Variants in PARN observed in about 807,000 individuals in gnomAD.
The protein encoded by PARN is poly(A)-specific ribonuclease.
Under a neutral mutation model 102.8 loss-of-function variants are expected in PARN, and 71 were observed. That is an observed-to-expected ratio of 0.69 (90% CI 0.57 to 0.84). PARN has a LOEUF of 0.84. Among genes scored for constraint, PARN ranks in the 40% least tolerant of loss-of-function variants. The pLI is 0.00. For synonymous variants in PARN, 261 were observed against 252.9 expected, an observed-to-expected ratio of 1.03 and a Z score of -0.30; for missense variants, 782 against 760.9, an observed-to-expected ratio of 1.03 and a Z score of -0.33.
intron 6 of PARN, among the ~76,000 whole-genome samples, chr16:14,611,086 T>C (rs1971494534): frequency 6.6e-6 from 1 of 152,214 alleles, no homozygotes; most frequent in Non-Finnish European, 1.5e-5. Context: ...CATCCTGCTC[T>C]GTAGTGAAGG....
intron 21 of PARN, among the ~76,000 whole-genome samples, chr16:14,486,761 T>A (rs1963723396): frequency 6.6e-6 from 1 of 152,224 alleles, no homozygotes; most frequent in Non-Finnish European, 1.5e-5. Flanking sequence ...AATGGATGAA[T>A]CAGCAAAATG....
chr16:14,509,438 A>AT (rs1174844525), intron 21 of PARN, among the ~76,000 whole-genome samples: 11 of 152,260 alleles, frequency 7.2e-5, no homozygotes, highest in Middle Eastern at 3.4e-3. Flanking sequence ...TTATTTAGTG[A>AT]TTTTTTCTTT....
chr16:14,438,972 G>C (rs1378307580), intron 23 of PARN, among the ~76,000 whole-genome samples: 1 of 152,114 alleles, frequency 6.6e-6, no homozygotes. Flanking sequence ...CAGATAAGAA[G>C]GTATGGTTTT....
chr16:14,545,816 T>A (rs1447920310), intron 21 of PARN, among the ~76,000 whole-genome samples: 4 of 152,228 alleles, frequency 2.6e-5, no homozygotes, highest in African/African-American at 9.6e-5. Context: ...TATTAATATG[T>A]TGACCTACCA....
intron 13 of PARN, among the ~76,000 whole-genome samples, chr16:14,590,498 G>A (rs1014381580): frequency 1.3e-5 from 2 of 151,648 alleles, no homozygotes; most frequent in African/African-American, 4.8e-5. Context: ...ACCCGGGCAT[G>A]GTAGCAGGCA....
chr16:14,572,268 G>A (rs1219561471), intron 18 of PARN, among the ~76,000 whole-genome samples: 2 of 152,146 alleles, frequency 1.3e-5, no homozygotes, highest in Admixed American at 6.5e-5. Context: ...GGGCACGAAC[G>A]GCAGTTGTGC....
Position 14,604,232 on chromosome 16 carries a change from A to C in PARN, c.703-6T>G. ...ATAACTATATATCGCTCCTTCTAAA[A>C]GACATAAAGCAGATATACAATTTTC... On this transcript the variant is annotated splice_region_variant and splice_polypyrimidine_tract_variant and intron_variant, in intron 10 of 23. Transcript: ENST00000437198. The C allele has an allele frequency of 6.5e-7, 1 of 1,539,684 alleles. No individual in the cohort carries two copies. The highest frequency in any genetic ancestry group is 8.9e-7 in the Non-Finnish European group (1 of 1,125,794).
intron 21 of PARN, among the ~76,000 whole-genome samples, chr16:14,526,725 T>C (rs1010062979): frequency 6.6e-6 from 1 of 152,222 alleles, no homozygotes; most frequent in Admixed American, 6.5e-5. Flanking sequence ...AATTCAACAG[T>C]TGTAGCCATC....
chr16:14,584,561 G>A (rs1028016110), intron 15 of PARN, 139 bp from the exon 16 acceptor site: 15 of 799,064 alleles, frequency 1.9e-5, no homozygotes, highest in Admixed American at 6.3e-5. Context: ...AGAAGTCTTC[G>A]TTTTTTTCAA....
intron 22 of PARN, among the ~76,000 whole-genome samples, chr16:14,452,240 A>G (rs1416484756): frequency 6.6e-6 from 1 of 152,192 alleles, no homozygotes; most frequent in Non-Finnish European, 1.5e-5. Flanking sequence ...TGCATTTGTA[A>G]TGCTCCTCTC....
chr16:14,588,983 C>A (rs1476657900), intron 13 of PARN, among the ~76,000 whole-genome samples: 1 of 151,950 alleles, frequency 6.6e-6, no homozygotes, highest in African/African-American at 2.4e-5. Flanking sequence ...GGTTCAAGAC[C>A]AGCCTGGCCA....
At chr16:14,521,353 C>T (rs1267595286) in intron 21 of PARN, among the ~76,000 whole-genome samples, 3 of 152,170 alleles carry the variant, frequency 2.0e-5, no homozygotes, top group South Asian at 2.1e-4. Flanking sequence ...CAGGTCCCTG[C>T]GTCACCCCAT....
chr16:14,526,318 A>C (rs1966000179), intron 21 of PARN, among the ~76,000 whole-genome samples: 1 of 151,662 alleles, frequency 6.6e-6, no homozygotes, highest in African/African-American at 2.4e-5. Flanking sequence ...CTGGGACTAC[A>C]GGTGCCTGCC....
intron 21 of PARN, among the ~76,000 whole-genome samples, chr16:14,547,459 A>C (rs1967024802): frequency 6.6e-6 from 1 of 151,966 alleles, no homozygotes; most frequent in Admixed American, 6.6e-5. Context: ...TAATCCCAGC[A>C]CTTTGGGAAC....
chr16:14,565,896 C>T (rs1048318752), intron 18 of PARN, among the ~76,000 whole-genome samples: 1 of 152,208 alleles, frequency 6.6e-6, no homozygotes, highest in African/African-American at 2.4e-5. Flanking sequence ...AGGTGACATA[C>T]TGTGCATAGT....
intron 22 of PARN, among the ~76,000 whole-genome samples, chr16:14,480,127 G>GTTCGAGGCCAGGAC (rs532146110): frequency 3.4e-3 from 515 of 152,180 alleles, no homozygotes; most frequent in Non-Finnish European, 5.8e-3. Context: ...GAGGCCAGGA[G>GTTCGAGGCCAGGAC]TTCGAGGCCA....
At chr16:14,483,950 T>C (rs146559290) in intron 21 of PARN, among the ~76,000 whole-genome samples, 2 of 152,334 alleles carry the variant, frequency 1.3e-5, no homozygotes, top group African/African-American at 4.8e-5. Context: ...AGCTGAGCAG[T>C]GTACACTGCA....
At chr16:14,483,538 AT>A (rs1963493405) in intron 21 of PARN, among the ~76,000 whole-genome samples, 1 of 152,060 alleles carries the variant, frequency 6.6e-6, no homozygotes, top group Non-Finnish European at 1.5e-5. Context: ...CATTTTATTA[AT>A]TTTTTTAAAT....
chr16:14,595,178 T>C (rs965773765), intron 12 of PARN, among the ~76,000 whole-genome samples: 1 of 152,230 alleles, frequency 6.6e-6, no homozygotes, highest in Non-Finnish European at 1.5e-5. Flanking sequence ...AGCTACTTTA[T>C]GTGTATACCG....
Sources: allele counts gnomAD v4.1 joint callset (sites outside exome capture counted in the v4.1 genomes callset), GRCh38; gene constraint gnomAD v4.1.1; transcripts MANE v1.5; gene names NCBI Gene and HGNC (gene_info 2026-07-23, HGNC 2026-07-21).